The following DNAAF5 variants were observed in gnomAD, a reference collection of about 807,000 sequenced individuals.
The protein encoded by DNAAF5 is HEAT repeat containing 2.
Under a neutral mutation model 75.8 loss-of-function variants are expected in DNAAF5, and 64 were observed. The observed-to-expected ratio is 0.84, with a 90% CI of 0.69 to 1.04. The LOEUF (loss-of-function observed/expected upper bound fraction) is 1.04. Among genes scored for constraint, DNAAF5 ranks in the 50% least tolerant of loss-of-function variants. The pLI is 0.00. For missense variants in DNAAF5, 1,269 were observed against 1,178.5 expected, an observed-to-expected ratio of 1.08 and a Z score of -1.12; for synonymous variants, 657 against 557.2, an observed-to-expected ratio of 1.18 and a Z score of -2.52.
At chr7:745,356 T>G (rs978813648) in intron 4 of DNAAF5, among the ~76,000 whole-genome samples, 1 of 152,196 alleles carries the variant, frequency 6.6e-6, no homozygotes, top group Non-Finnish European at 1.5e-5. Flanking sequence ...TCGGGGGGAC[T>G]GTTTCTGGAA....
intron 12 of DNAAF5, among the ~76,000 whole-genome samples, chr7:784,121 A>G (rs1779073053): frequency 6.6e-6 from 1 of 151,086 alleles, no homozygotes; most frequent in South Asian, 2.1e-4. Context: ...CATGGCAGGC[A>G]TCTGCAGCCG....
chr7:779,587 C>T (rs62432892), intron 11 of DNAAF5, among the ~76,000 whole-genome samples: 65,284 of 151,844 alleles, frequency 0.43, 14,452 homozygotes, highest in Non-Finnish European at 0.47. Flanking sequence ...GTGGCCAGCT[C>T]GGGGATCTGA....
chr7:730,949 G>A (rs751211689), intron 2 of DNAAF5, among the ~76,000 whole-genome samples: 7 of 152,246 alleles, frequency 4.6e-5, no homozygotes, highest in Admixed American at 1.3e-4. Flanking sequence ...TGGGGAGAAA[G>A]TGGGCAGAGT....
chr7:775,292 AC>A, intron 11 of DNAAF5, 130 bp downstream of exon 11: 1 of 832,770 alleles, frequency 1.2e-6, no homozygotes, highest in Non-Finnish European at 1.9e-6. Context: ...GGTGGTTCAC[AC>A]CTTTAATTCC....
chr7:751,607 T>A (rs1466222699), intron 4 of DNAAF5, among the ~76,000 whole-genome samples: 1 of 146,030 alleles, frequency 6.8e-6, no homozygotes, highest in Non-Finnish European at 1.5e-5. Flanking sequence ...GGAGTCTCAC[T>A]CTGTCGCCCA....
At chr7:729,448 G>T (rs1781489324) in intron 1 of DNAAF5, among the ~76,000 whole-genome samples, 1 of 152,238 alleles carries the variant, frequency 6.6e-6, no homozygotes, top group African/African-American at 2.4e-5. Context: ...TGTCATCAGG[G>T]TGGGACGCTT....
intron 4 of DNAAF5, among the ~76,000 whole-genome samples, chr7:744,153 T>C (rs1476957639): frequency 6.6e-6 from 1 of 152,132 alleles, no homozygotes; most frequent in Admixed American, 6.5e-5. Flanking sequence ...TGTGTTCTCA[T>C]TGTTCAATTC....
chr7:763,699 C>T (rs542957506), intron 7 of DNAAF5, 107 bp from the exon 8 acceptor site: 4 of 1,286,652 alleles, frequency 3.1e-6, no homozygotes, highest in African/African-American at 1.5e-5. Flanking sequence ...CTGGCAGGCC[C>T]GGCCTGTGTG....
rs537994269 is a variant in DNAAF5, at chr7:754,743, C to T, written c.1179C>T (p.His393=). 9.3e-6 allele frequency: 15 copies of T among 1,613,548 alleles called. No individual in the cohort carries two copies. Among genetic ancestry groups the T allele is most frequent in the African/African-American group, 1.3e-5 (1 of 74,938 alleles). The change falls in exon 5 of 13, where the codon CAC becomes CAT. Residue 393 remains histidine (H), a synonymous_variant. Transcript: ENST00000297440. The surrounding 1 kb of genome is among the most constrained non-coding windows in gnomAD (Gnocchi z 4.8). ...LPVLLLHAED[H]ATQHLEVVLR... is the part of the protein sequence containing the mutation. ...TGCTGCTGCTGCATGCCGAGGACCA[C>T]GCCACGCAGCACCTGGAGGTCGTCC...
chr7:746,586 C>A (rs561121102), intron 4 of DNAAF5, among the ~76,000 whole-genome samples: 24 of 150,526 alleles, frequency 1.6e-4, no homozygotes, highest in African/African-American at 5.9e-4. Flanking sequence ...GTCCCTTTTC[C>A]CCGCCCGTCG....
intron 1 of DNAAF5, among the ~76,000 whole-genome samples, chr7:727,944 C>T (rs1781416304): frequency 6.6e-6 from 1 of 151,658 alleles, no homozygotes; most frequent in African/African-American, 2.4e-5. Context: ...CCTTTCCTTC[C>T]CTCGGGGGCT....
chr7:769,803 C>T (rs780294743), intron 8 of DNAAF5, among the ~76,000 whole-genome samples: 1 of 152,096 alleles, frequency 6.6e-6, no homozygotes, highest in African/African-American at 2.4e-5. Flanking sequence ...CCACGCCCAG[C>T]TAATTTTGTA....
chr7:740,824 G>T lies in DNAAF5; in HGVS notation c.786G>T (p.Arg262=). Reference sequence around the variant, plus strand: ...TCCCTTCCTCTCATGCGCAGGTCCGGCGGGCGGTGGCCTCCGTGGTGGGCG... The same window carrying T: ...TCCCTTCCTCTCATGCGCAGGTCCGTCGGGCGGTGGCCTCCGTGGTGGGCG... The part of the protein sequence containing the change: ...QRLFDDVPQV[R]RAVASVVGGW... Residue 262 remains arginine, a synonymous_variant, in exon 3 of 13, where the codon CGG becomes CGT. Transcript: ENST00000297440. The T allele has an allele frequency of 6.2e-7, 1 of 1,613,764 alleles. No homozygotes were observed.
intron 2 of DNAAF5, 146 bp from the exon 3 acceptor site, chr7:740,673 A>T: frequency 8.5e-7 from 1 of 1,172,160 alleles, no homozygotes; most frequent in Non-Finnish European, 1.2e-6. Context: ...TGGGGATGGC[A>T]TCTAGGCGGT....
chr7:772,674 G>A (rs1438590448), intron 9 of DNAAF5: 1 of 152,298 alleles, frequency 6.6e-6, no homozygotes, highest in African/African-American at 2.4e-5. Flanking sequence ...AGTGTCTTGG[G>A]GTCCTGCAGG....
At chr7:734,330 C>T (rs1781669068) in intron 2 of DNAAF5, among the ~76,000 whole-genome samples, 1 of 152,160 alleles carries the variant, frequency 6.6e-6, no homozygotes, top group African/African-American at 2.4e-5. Flanking sequence ...TTTATCAATA[C>T]TTTTCAGCAT....
chr7:776,380 A>G (rs1040694714), intron 11 of DNAAF5, among the ~76,000 whole-genome samples: 1 of 152,222 alleles, frequency 6.6e-6, no homozygotes, highest in Non-Finnish European at 1.5e-5. Context: ...ACTTCTGTTC[A>G]AGTTGGTACT....
In DNAAF5 at chr7:774,064, C is replaced by G. The variant is rs1323342816; in HGVS notation, c.1948C>G (p.Leu650Val). The G allele has an allele frequency of 1.2e-6, 2 of 1,614,104 alleles. No individual in the cohort carries two copies. Among genetic ancestry groups the G allele is most frequent in the Non-Finnish European group, 1.7e-6 (2 of 1,180,028 alleles). Residue 650 changes from leucine to valine, a missense_variant, in exon 10 of 13, where the codon CTC (leucine) becomes GTC (valine). Leu to Val is a conservative substitution (Grantham distance 32, BLOSUM62 1). Transcript: ENST00000297440. The stretch of plus-strand genomic sequence containing the variant: ...CGGTTCCAGGCAGTTTCCCAGCTAC[C>G]TCGAGACGGTGACAAAGGACATCCT... ...INSQGQFPSY[L>V]ETVTKDILAP...
intron 12 of DNAAF5, among the ~76,000 whole-genome samples, chr7:781,703 G>A (rs537356021): frequency 1.4e-4 from 22 of 152,346 alleles, no homozygotes; most frequent in Admixed American, 9.1e-4. Flanking sequence ...GGGGTCAGAG[G>A]ATGTCTCACT....
Sources: gnomAD v4.1 joint callset for allele counts (sites outside exome capture counted in the v4.1 genomes callset) on GRCh38, gnomAD v4.1.1 for gene constraint, Gnocchi (gnomAD v3.1) non-coding constraint, MANE v1.5 for transcripts, NCBI Gene and HGNC (gene_info 2026-07-23, HGNC 2026-07-21) for gene names.